WFDC10B: variants seen among roughly 807,000 people sequenced by gnomAD.
WFDC10B encodes protein WFDC10B.
A neutral mutation model predicts 2.7 loss-of-function variants in WFDC10B; 1 was observed. That is an observed-to-expected ratio of 0.38 (90% CI 0.13 to 1.79). WFDC10B has a LOEUF of 1.79. Ranked by LOEUF, WFDC10B falls within the 40% of genes most tolerant of loss-of-function variation. The probability of loss-of-function intolerance (pLI) is 0.33; values close to 1 mark genes in which losing one functional copy is unlikely to be tolerated. For synonymous variants in WFDC10B, 26 were observed against 32.2 expected, an observed-to-expected ratio of 0.81 and a Z score of 0.65; for missense variants, 71 against 87.8, an observed-to-expected ratio of 0.81 and a Z score of 0.76.
intron 1 of WFDC10B, 97 bp from the exon 2 acceptor site, chr20:45,704,658 C>A: frequency 1.3e-6 from 2 of 1,576,434 alleles, no homozygotes; most frequent in South Asian, 1.2e-5. Context: ...GCAGAAGAGT[C>A]CCTTACCAGC....
At chr20:45,699,781 C>A (rs1984094172) in intron 2 of WFDC10B, among the ~76,000 whole-genome samples, 2 of 152,302 alleles carry the variant, frequency 1.3e-5, no homozygotes, top group South Asian at 4.1e-4. Flanking sequence ...CGGGTTCAAG[C>A]GATTCTTCTG....
rs755966954 is a variant in WFDC10B at position 45,704,410 on chromosome 20, GT to G, written c.-65+86del. Reference sequence around the variant, plus strand: ...TTCTGAACATTACTCCAGCCTGTTGGTGAGGCCCTTCTCTTACTTGTTCTGT... The same window carrying G: ...TTCTGAACATTACTCCAGCCTGTTGGGAGGCCCTTCTCTTACTTGTTCTGT... On this transcript the variant is annotated intron_variant, in intron 2 of 3. Coordinates refer to ENST00000330523, the MANE Select transcript of WFDC10B (RefSeq NM_172006.2). 6.9e-6 allele frequency: 11 copies of G among 1,594,554 alleles called. No individual in the cohort carries two copies. The African/African-American group carries it at 1.5e-4, about 21-fold the overall frequency.
intron 2 of WFDC10B, among the ~76,000 whole-genome samples, chr20:45,693,687 CAGTATTG>C (rs1265668578): frequency 6.6e-6 from 1 of 152,192 alleles, no homozygotes; most frequent in Non-Finnish European, 1.5e-5. Flanking sequence ...CGGAAAAGCA[CAGTATTG>C]GGGTAGGAGT....
intron 2 of WFDC10B, among the ~76,000 whole-genome samples, chr20:45,696,173 C>G (rs990431655): frequency 6.6e-6 from 1 of 151,434 alleles, no homozygotes; most frequent in African/African-American, 2.4e-5. Context: ...GTAGTCCCAG[C>G]TACTCAGGAG....
At position 45,696,328 on chromosome 20, in the gene WFDC10B, C is replaced by G. The variant is rs1600961003; in HGVS notation, c.-65+8169G>C. On this transcript the variant is annotated intron_variant, in intron 2 of 3. Transcript: ENST00000330523. Reference sequence around the variant, plus strand: ...AAAAGATCTCAAATCTGCAACCTAACTTTACATCATACGAAACTAGAAAGA... The same window carrying G: ...AAAAGATCTCAAATCTGCAACCTAAGTTTACATCATACGAAACTAGAAAGA... 3.5e-5 allele frequency among the ~76,000 whole-genome samples: 5 copies of G among 144,228 alleles called. No homozygotes were observed. The South Asian group carries it at 1.2e-3, about 33-fold the overall frequency. 94.6% of individuals were successfully genotyped at this position (144,228 alleles called of 152,430 possible). A position where few individuals can be genotyped will look rare whatever the true frequency, so the allele number is the denominator to read the frequency against.
intron 2 of WFDC10B, among the ~76,000 whole-genome samples, chr20:45,702,600 G>C (rs190524502): frequency 4.6e-5 from 7 of 152,354 alleles, no homozygotes; most frequent in African/African-American, 1.4e-4. Flanking sequence ...ATAAAACAGA[G>C]AGACAACGAA....
rs1045284437 is a variant in WFDC10B at position 45,704,808 on chromosome 20, C to T, written c.-130+110G>A. 6 of 1,328,320 alleles carry T rather than the reference C, an allele frequency of 4.5e-6. No homozygotes were observed. The Admixed American group carries it at 6.8e-5, about 15-fold the overall frequency. 82.3% of individuals were successfully genotyped at this position (1,328,320 alleles called of 1,614,324 possible). ...TCCCCTCCCAATCACCACATCCCAT[C>T]ACCATATCCGTGAATTTCTGACTCT... is the stretch of plus-strand genomic sequence containing the variant. On this transcript the variant is annotated intron_variant, in intron 1 of 3. Coordinates refer to ENST00000330523, the MANE Select transcript of WFDC10B (RefSeq NM_172006.2).
At chr20:45,686,107 C>T (rs760004781) in intron 2 of WFDC10B, 51 bp from the exon 3 acceptor site, 11 of 1,502,976 alleles carry the variant, frequency 7.3e-6, no homozygotes, top group African/African-American at 2.8e-5. Flanking sequence ...CTCCTCGCTG[C>T]CTCCACTGGA....
At chr20:45,695,754 G>A (rs895066027) in intron 2 of WFDC10B, among the ~76,000 whole-genome samples, 20 of 152,036 alleles carry the variant, frequency 1.3e-4, no homozygotes, top group Admixed American at 1.2e-3. Flanking sequence ...GGGAGGCTGA[G>A]GTGGGTGGAT....
chr20:45,704,713 A>T, intron 1 of WFDC10B, 152 bp from the exon 2 acceptor site: 1 of 1,453,864 alleles, frequency 6.9e-7, no homozygotes. Context: ...CTTGGTGGCC[A>T]TGTTGCCAAC....
At chr20:45,693,025 T>C (rs1367088433) in intron 2 of WFDC10B, among the ~76,000 whole-genome samples, 2 of 152,178 alleles carry the variant, frequency 1.3e-5, no homozygotes, top group Non-Finnish European at 2.9e-5. Context: ...TCCTTTCTGT[T>C]TGTTAGTTTT....
intron 2 of WFDC10B, among the ~76,000 whole-genome samples, chr20:45,693,449 G>A (rs950415543): frequency 6.6e-6 from 1 of 152,240 alleles, no homozygotes; most frequent in Admixed American, 6.5e-5. Flanking sequence ...TACAGAGGCA[G>A]GCAGGCCTCC....
chr20:45,686,818 A>G (rs897028294), intron 2 of WFDC10B, among the ~76,000 whole-genome samples: 4 of 151,876 alleles, frequency 2.6e-5, no homozygotes, highest in Non-Finnish European at 4.4e-5. Flanking sequence ...GTGCCATCAC[A>G]CCCAGATAAT....
chr20:45,702,318 C>T lies in WFDC10B; in HGVS notation c.-65+2179G>A, dbSNP rs1334737540. On this transcript the variant is annotated intron_variant, in intron 2 of 3. Transcript: ENST00000330523. ...TCTTGGAAAAATACCGTGTCATGTT[C>T]AAGGGCCCAAGCTTTATTGTTGGCA... 2.6e-6 allele frequency: 3 copies of T among 1,136,422 alleles called. No homozygotes were observed. In the African/African-American group the frequency reaches 4.6e-5, roughly 18 times the overall value. The allele number at this position is 1,136,422 out of a possible 1,614,324, so 70.4% of individuals were successfully genotyped here.
intron 2 of WFDC10B, among the ~76,000 whole-genome samples, chr20:45,692,493 C>G (rs567160080): frequency 6.6e-6 from 1 of 152,284 alleles, no homozygotes; most frequent in Non-Finnish European, 1.5e-5. Flanking sequence ...TAGATTTGGT[C>G]TTTTCACATA....
chr20:45,690,998 C>A (rs1355133489), intron 2 of WFDC10B, among the ~76,000 whole-genome samples: 1 of 152,184 alleles, frequency 6.6e-6, no homozygotes, highest in Non-Finnish European at 1.5e-5. Flanking sequence ...CCTCTACACA[C>A]TGCTTTGAAT....
At chr20:45,691,860 T>G (rs190266320) in intron 2 of WFDC10B, among the ~76,000 whole-genome samples, 41 of 152,328 alleles carry the variant, frequency 2.7e-4, no homozygotes, top group African/African-American at 9.6e-4. Context: ...TTGTTATGTG[T>G]GAATTTGAAC....
chr20:45,685,057 C>T, intron 3 of WFDC10B, 97 bp from the exon 4 acceptor site: 1 of 1,508,234 alleles, frequency 6.6e-7, no homozygotes, highest in Non-Finnish European at 9.0e-7. Context: ...CCAAGGCACC[C>T]CTGCCACCAC....
At chr20:45,686,811 C>T (rs1016779389) in intron 2 of WFDC10B, among the ~76,000 whole-genome samples, 2 of 152,000 alleles carry the variant, frequency 1.3e-5, no homozygotes, top group Non-Finnish European at 2.9e-5. Flanking sequence ...CAAGCATGTG[C>T]CATCACACCC....
Sources: gnomAD v4.1 joint callset for allele counts (sites outside exome capture counted in the v4.1 genomes callset) on GRCh38, gnomAD v4.1.1 for gene constraint, MANE v1.5 for transcripts, NCBI Gene and HGNC (gene_info 2026-07-23, HGNC 2026-07-21) for gene names.